KLRD1: variants seen among roughly 807,000 people sequenced by gnomAD.
The protein encoded by KLRD1 is killer cell lectin like receptor D1.
Under a neutral mutation model 22.6 loss-of-function variants are expected in KLRD1, and 21 were observed. That is an observed-to-expected ratio of 0.93 (90% CI 0.66 to 1.34). KLRD1 has a LOEUF of 1.34. Among genes scored for constraint, KLRD1 ranks in the 40% most tolerant of loss-of-function variants. The probability of loss-of-function intolerance (pLI) is 0.00; values close to 1 mark genes in which losing one functional copy is unlikely to be tolerated. For synonymous variants in KLRD1, 59 were observed against 71.1 expected, an observed-to-expected ratio of 0.83 and a Z score of 0.85; for missense variants, 183 against 208.6, an observed-to-expected ratio of 0.88 and a Z score of 0.76.
rs1592035975 is a variant in KLRD1 at position 10,261,217 on chromosome 12, T to A, written c.-101+34984T>A. Among the ~76,000 whole-genome samples, 3 of 152,190 alleles carry A rather than the reference T, an allele frequency of 2.0e-5. No individual in the cohort carries two copies. The South Asian group carries it at 6.2e-4, about 31-fold the overall frequency. ...TCAGTAGGGAAGGATGTTGCAATTA[T>A]GAAGAGCACCTTCTAAGAATACTGT... On this transcript the variant is annotated intron_variant, in intron 1 of 5. Transcript: ENST00000544747.
intron 1 of KLRD1, among the ~76,000 whole-genome samples, chr12:10,250,107 G>A (rs7972553): frequency 0.96 from 146,119 of 152,118 alleles, 70,453 homozygotes; most frequent in East Asian, 1. Context: ...ATCCTGGTGC[G>A]TTAGGCTGTC....
At chr12:10,292,935 A>G (rs1363974384) in intron 1 of KLRD1, among the ~76,000 whole-genome samples, 1 of 151,528 alleles carries the variant, frequency 6.6e-6, no homozygotes, top group Admixed American at 6.6e-5. Flanking sequence ...TAGCTTCTTC[A>G]TCAGCACTTA....
chr12:10,310,742 G>C (rs1950046203), intron 3 of KLRD1, among the ~76,000 whole-genome samples: 1 of 152,104 alleles, frequency 6.6e-6, no homozygotes, highest in African/African-American at 2.4e-5. Flanking sequence ...CTGAGATGGT[G>C]CCACTGCACT....
chr12:10,275,296 C>A (rs1949583053), intron 1 of KLRD1, among the ~76,000 whole-genome samples: 1 of 152,154 alleles, frequency 6.6e-6, no homozygotes, highest in African/African-American at 2.4e-5. Flanking sequence ...TCTCATCTTT[C>A]TCACTAATTT....
At chr12:10,252,839 AGG>A (rs1290954127) in intron 1 of KLRD1, among the ~76,000 whole-genome samples, 1 of 152,058 alleles carries the variant, frequency 6.6e-6, no homozygotes, top group Non-Finnish European at 1.5e-5. Flanking sequence ...TGTACACAAA[AGG>A]GAATGAACCA....
chr12:10,282,992 G>A (rs1018056045), intron 1 of KLRD1, among the ~76,000 whole-genome samples: 13 of 152,228 alleles, frequency 8.5e-5, no homozygotes, highest in African/African-American at 3.1e-4. Flanking sequence ...GTAGGTTGAT[G>A]TATTCGTGAA....
At chr12:10,292,255 C>G (rs987878544) in intron 1 of KLRD1, among the ~76,000 whole-genome samples, 1 of 152,206 alleles carries the variant, frequency 6.6e-6, no homozygotes, top group African/African-American at 2.4e-5. Context: ...TGACCTCCTC[C>G]CATGAACCAC....
At chr12:10,273,389 A>C (rs900263140) in intron 1 of KLRD1, among the ~76,000 whole-genome samples, 2 of 152,206 alleles carry the variant, frequency 1.3e-5, no homozygotes, top group South Asian at 2.1e-4. Flanking sequence ...GTAATGTAAT[A>C]ATATTTTGGT....
intron 1 of KLRD1, among the ~76,000 whole-genome samples, chr12:10,285,408 C>A (rs1949691972): frequency 6.6e-6 from 1 of 152,160 alleles, no homozygotes; most frequent in African/African-American, 2.4e-5. Flanking sequence ...TGTGAACCAT[C>A]TTTATGTCTA....
At chr12:10,290,419 A>G (rs1464296471) in intron 1 of KLRD1, among the ~76,000 whole-genome samples, 29 of 152,232 alleles carry the variant, frequency 1.9e-4, no homozygotes, top group Admixed American at 1.9e-3. Flanking sequence ...AACTCTAGGA[A>G]TAATCAGAGG....
intron 1 of KLRD1, among the ~76,000 whole-genome samples, chr12:10,289,389 A>G (rs887760887): frequency 6.6e-6 from 1 of 152,218 alleles, no homozygotes; most frequent in Non-Finnish European, 1.5e-5. Flanking sequence ...GAAATTTTGA[A>G]ACGAGTTATG....
At position 10,311,498 on chromosome 12, in the gene KLRD1, TG is replaced by T; in HGVS notation, c.201del (p.Tyr68ThrfsTer41). 1 of 1,613,884 alleles carries T rather than the reference TG, an allele frequency of 6.2e-7. No homozygotes were observed. Among genetic ancestry groups the T allele is most frequent in the Non-Finnish European group, 8.5e-7 (1 of 1,179,806 alleles). ...GCTGTTCTTGCCAAGAAAAATGGGTTGGGTACCGGTGCAACTGTTACTTCAT... is the reference window on the plus strand; with the variant it reads ...GCTGTTCTTGCCAAGAAAAATGGGTTGGTACCGGTGCAACTGTTACTTCAT... ...DCCSCQEKWVGYRCNCYFISS... is the reference protein window; with the variant it reads ...DCCSCQEKWVXYRCNCYFISS... On this transcript the variant is annotated frameshift_variant, in exon 4 of 6. Coordinates refer to ENST00000336164, the MANE Select transcript of KLRD1 (RefSeq NM_002262.5). LOFTEE classifies it high-confidence loss of function.
chr12:10,293,325 T>C (rs1047694863), intron 1 of KLRD1, among the ~76,000 whole-genome samples: 3 of 151,124 alleles, frequency 2.0e-5, no homozygotes, highest in Non-Finnish European at 4.4e-5. Flanking sequence ...GCTTATTCAT[T>C]TCTGGCTTTT....
intron 1 of KLRD1, among the ~76,000 whole-genome samples, chr12:10,257,116 T>C (rs1949403349): frequency 2.6e-5 from 1 of 38,014 alleles, no homozygotes; most frequent in South Asian, 8.3e-4. Flanking sequence ...TTTCTTGTTT[T>C]GTTTTGTTTT....
upstream of KLRD1, among the ~76,000 whole-genome samples, chr12:10,300,672 A>G (rs1475963006): frequency 2.0e-5 from 3 of 152,214 alleles, no homozygotes; most frequent in Non-Finnish European, 4.4e-5. Context: ...CTCTCCTTGG[A>G]AGCTTTGAAA....
chr12:10,240,122 G>A (rs897066173), intron 1 of KLRD1, among the ~76,000 whole-genome samples: 1 of 151,158 alleles, frequency 6.6e-6, no homozygotes, highest in East Asian at 1.9e-4. Flanking sequence ...GTGCAGTGGC[G>A]TGATCTCAGC....
intron 1 of KLRD1, among the ~76,000 whole-genome samples, chr12:10,276,695 C>CAAAAAAAAAAAAAA (rs11318914): frequency 7.5e-6 from 1 of 133,090 alleles, no homozygotes; most frequent in African/African-American, 2.8e-5. Flanking sequence ...TAAAATTTGA[C>CAAAAAAAAAAAAAA]AAAAAAAAAA....
chr12:10,260,421 A>G (rs761204436), intron 1 of KLRD1, among the ~76,000 whole-genome samples: 1 of 151,968 alleles, frequency 6.6e-6, no homozygotes, highest in Non-Finnish European at 1.5e-5. Flanking sequence ...AGCCTTTGAT[A>G]GTATGTAGTT....
intron 1 of KLRD1, among the ~76,000 whole-genome samples, chr12:10,241,970 G>C (rs1029415723): frequency 6.6e-6 from 1 of 151,380 alleles, no homozygotes; most frequent in African/African-American, 2.4e-5. Context: ...CACAATCTGA[G>C]TTGCTGTATT....
Sources: gnomAD v4.1 joint callset for allele counts (sites outside exome capture counted in the v4.1 genomes callset) on GRCh38, gnomAD v4.1.1 for gene constraint, MANE v1.5 for transcripts, NCBI Gene and HGNC (gene_info 2026-07-23, HGNC 2026-07-21) for gene names.